Variants in DHRS3 observed in about 807,000 individuals in gnomAD.
DHRS3 encodes the protein short-chain dehydrogenase/reductase 3.
A neutral mutation model predicts 27.2 loss-of-function variants in DHRS3; 14 were observed. The observed-to-expected ratio is 0.52, with a 90% CI of 0.34 to 0.81. The LOEUF is 0.81. Ranked by LOEUF, DHRS3 falls within the 30% of genes least tolerant of loss-of-function variation. The pLI, the probability that DHRS3 is intolerant of heterozygous loss-of-function variation, is 0.01. For missense variants in DHRS3, 322 were observed against 406.2 expected (o/e 0.79, Z 1.78); for synonymous variants, 165 against 175.9 (o/e 0.94, Z 0.49).
At position 12,578,615 on chromosome 1, in the gene DHRS3, A is replaced by T; in HGVS notation, c.698+103T>A. On this transcript the variant is annotated intron_variant, in intron 4 of 5. Coordinates refer to ENST00000616661, the MANE Select transcript of DHRS3 (RefSeq NM_004753.7). This position sits in a 1 kb window ranked among gnomAD's most constrained non-coding sequence, Gnocchi z 4.5. ...ATTATAGGTATGAGGCACCGTGCCTAGCCCGATTTTTATATCAGAGCTCTT... is the reference window on the plus strand; with the variant it reads ...ATTATAGGTATGAGGCACCGTGCCTTGCCCGATTTTTATATCAGAGCTCTT... The T allele has an allele frequency of 1.6e-6, 2 of 1,223,574 alleles. No homozygotes were observed. Among genetic ancestry groups the T allele is most frequent in the Non-Finnish European group, 2.4e-6 (2 of 843,458 alleles). The allele number at this position is 1,223,574 out of a possible 1,614,324, so 75.8% of individuals were successfully genotyped here. A position where few individuals can be genotyped will look rare whatever the true frequency, so the allele number is the denominator to read the frequency against.
intron 1 of DHRS3, among the ~76,000 whole-genome samples, chr1:12,602,987 A>G (rs1470776031): frequency 1.3e-5 from 2 of 152,352 alleles, no homozygotes; most frequent in Non-Finnish European, 2.9e-5. Flanking sequence ...CTTTGGAGGC[A>G]GGGAGGGCCA....
At chr1:12,585,440 T>C (rs914378939) in intron 1 of DHRS3, among the ~76,000 whole-genome samples, 1 of 152,182 alleles carries the variant, frequency 6.6e-6, no homozygotes, top group African/African-American at 2.4e-5. Flanking sequence ...CTGTTGTGTT[T>C]CCTCAGGTCC....
At chr1:12,573,646 A>G (rs1646559073) in intron 4 of DHRS3, among the ~76,000 whole-genome samples, 1 of 152,328 alleles carries the variant, frequency 6.6e-6, no homozygotes, top group Non-Finnish European at 1.5e-5. Flanking sequence ...TTGCTGGTTC[A>G]CTAACTCACT....
At chr1:12,612,083 T>C (rs969279582) in intron 1 of DHRS3, among the ~76,000 whole-genome samples, 1 of 152,154 alleles carries the variant, frequency 6.6e-6, no homozygotes, top group Non-Finnish European at 1.5e-5. Flanking sequence ...TGTTTGTTTA[T>C]TCATGAGACA....
chr1:12,585,946 TTTACTC>T (rs1233123243), intron 1 of DHRS3, among the ~76,000 whole-genome samples: 1 of 152,198 alleles, frequency 6.6e-6, no homozygotes, highest in Admixed American at 6.5e-5. Context: ...AGGCCTGGAA[TTTACTC>T]TTAAGCAGGG....
chr1:12,589,877 A>G (rs1031882951), intron 1 of DHRS3, among the ~76,000 whole-genome samples: 1 of 151,958 alleles, frequency 6.6e-6, no homozygotes, highest in African/African-American at 2.4e-5. Context: ...TAGCACAGCA[A>G]CAGAAATAGA....
At chr1:12,577,610 A>G (rs1271007653) in intron 4 of DHRS3, among the ~76,000 whole-genome samples, 1 of 152,120 alleles carries the variant, frequency 6.6e-6, no homozygotes, top group African/African-American at 2.4e-5. Flanking sequence ...GGATCACCTG[A>G]GGTTGGGAGT....
chr1:12,582,449 G>A (rs1309335232), intron 1 of DHRS3, among the ~76,000 whole-genome samples: 3 of 152,140 alleles, frequency 2.0e-5, no homozygotes, highest in Non-Finnish European at 4.4e-5. Flanking sequence ...CTTAACAAGT[G>A]GGTCCCGTCA....
intron 5 of DHRS3, among the ~76,000 whole-genome samples, chr1:12,569,318 A>AT (rs1646515308): frequency 6.6e-6 from 1 of 151,076 alleles, no homozygotes; most frequent in Non-Finnish European, 1.5e-5. Context: ...GTCAGAGCAA[A>AT]CTTTTTTTTT....
chr1:12,603,341 T>C (rs1332368930), intron 1 of DHRS3, among the ~76,000 whole-genome samples: 1 of 152,252 alleles, frequency 6.6e-6, no homozygotes, highest in Non-Finnish European at 1.5e-5. Flanking sequence ...GTCATTTCCT[T>C]GAAGCATCAT....
chr1:12,577,131 T>C (rs1362016605), intron 4 of DHRS3, among the ~76,000 whole-genome samples: 1 of 152,032 alleles, frequency 6.6e-6, no homozygotes, highest in Non-Finnish European at 1.5e-5. Flanking sequence ...GCAGCTGCAA[T>C]ATATAATCAG....
intron 5 of DHRS3, 129 bp downstream of exon 5, chr1:12,572,599 C>G: frequency 7.1e-7 from 1 of 1,402,654 alleles, no homozygotes; most frequent in Non-Finnish European, 9.6e-7. Flanking sequence ...AACTGCTGCC[C>G]CACAGTAAGT....
rs1399271736 is a variant in DHRS3, at chr1:12,578,526, C to G, written c.698+192G>C. Among the ~76,000 whole-genome samples the G allele has an allele frequency of 1.3e-5, 2 of 152,206 alleles. No individual in the cohort carries two copies. ...ACAGGGTTTCTCCATGCTGCCCAGG[C>G]TGGTCTCAAACTGGATTGCTGGGCT... On this transcript the variant is annotated intron_variant, in intron 4 of 5. Coordinates refer to ENST00000616661, the MANE Select transcript of DHRS3 (RefSeq NM_004753.7). The surrounding 1 kb of genome is among the most constrained non-coding windows in gnomAD (Gnocchi z 4.5).
chr1:12,579,159 G>A lies in DHRS3; in HGVS notation c.459+134C>T, dbSNP rs753982028. 122 of 1,472,690 alleles carry A rather than the reference G, an allele frequency of 8.3e-5. 1 individual carries two copies. The highest frequency in any genetic ancestry group is 5.5e-4 in the East Asian group (23 of 41,848). The allele number at this position is 1,472,690 out of a possible 1,614,324, so 91.2% of individuals were successfully genotyped here. A position where few individuals can be genotyped will look rare whatever the true frequency, so the allele number is the denominator to read the frequency against. ...TGATGTGTCCTAGAGCTGGTCATTCGTCTTGTCTGGCCACCTTGTTCGTGG... is the reference window on the plus strand; with the variant it reads ...TGATGTGTCCTAGAGCTGGTCATTCATCTTGTCTGGCCACCTTGTTCGTGG... On this transcript the variant is annotated intron_variant, in intron 3 of 5. Coordinates refer to ENST00000616661, the MANE Select transcript of DHRS3 (RefSeq NM_004753.7).
In DHRS3 at chr1:12,591,527, C is replaced by T. The variant is rs867638127; in HGVS notation, c.196-10861G>A. ...GAGCAGGGCAGAGACTTCCTCCAGG[C>T]GGACGTCCAGCCTGGAACTGGCCCG... On this transcript the variant is annotated intron_variant, in intron 1 of 5. Coordinates refer to ENST00000616661, the MANE Select transcript of DHRS3 (RefSeq NM_004753.7). This position sits in a 1 kb window ranked among gnomAD's most constrained non-coding sequence, Gnocchi z 4.1. 8.5e-5 allele frequency among the ~76,000 whole-genome samples: 13 copies of T among 152,212 alleles called. No homozygotes were observed. The highest frequency in any genetic ancestry group is 2.2e-4 in the African/African-American group (9 of 41,448).
At chr1:12,584,799 T>C (rs1182284379) in intron 1 of DHRS3, among the ~76,000 whole-genome samples, 2 of 152,226 alleles carry the variant, frequency 1.3e-5, no homozygotes, top group East Asian at 3.8e-4. Flanking sequence ...CTCTGGCTGC[T>C]GTGCGCATGC....
intron 1 of DHRS3, among the ~76,000 whole-genome samples, chr1:12,587,410 C>G (rs367896312): frequency 4.6e-5 from 7 of 152,250 alleles, no homozygotes; most frequent in Middle Eastern, 3.4e-3. Context: ...TCCCAAAGTG[C>G]TGGGATTACA....
chr1:12,572,875 G>C lies in DHRS3; in HGVS notation c.699-22C>G, dbSNP rs1182864600. 13 of 1,573,222 alleles carry C rather than the reference G, an allele frequency of 8.3e-6. No homozygotes were observed. The African/African-American group carries it at 1.5e-4, about 18-fold the overall frequency. On this transcript the variant is annotated intron_variant, in intron 4 of 5. Transcript: ENST00000616661. The stretch of plus-strand genomic sequence containing the variant: ...AAACCTGAACACAGGAAGAGACACA[G>C]TGGGTTTCTCCTGGAGAGGCATGTG...
chr1:12,577,945 G>C (rs1646604977), intron 4 of DHRS3, among the ~76,000 whole-genome samples: 1 of 152,214 alleles, frequency 6.6e-6, no homozygotes, highest in South Asian at 2.1e-4. Flanking sequence ...AGTTCAAGAA[G>C]AGAGAACATT....
Sources: allele counts gnomAD v4.1 joint callset (sites outside exome capture counted in the v4.1 genomes callset), GRCh38; gene constraint gnomAD v4.1.1; non-coding constraint Gnocchi (gnomAD v3.1); transcripts MANE v1.5; gene names NCBI Gene and HGNC (gene_info 2026-07-23, HGNC 2026-07-21).